Variants in SLC5A4 observed in about 807,000 individuals in gnomAD.
SLC5A4 encodes solute carrier family 5 member 4, also known as probable glucose sensor protein SLC5A4.
A neutral mutation model predicts 70.3 loss-of-function variants in SLC5A4; 55 were observed. That is an observed-to-expected ratio of 0.78 (90% CI 0.63 to 0.98). The LOEUF (loss-of-function observed/expected upper bound fraction) is 0.98, where lower values mean the gene tolerates loss of function less well. SLC5A4 is among the 50% of genes least tolerant of loss of function. The pLI is 0.00. For synonymous variants in SLC5A4, 268 were observed against 305.7 expected (o/e 0.88, Z 1.29); for missense variants, 735 against 839.2 (o/e 0.88, Z 1.53).
chr22:32,236,062 C>G (rs1169541401), intron 7 of SLC5A4, among the ~76,000 whole-genome samples: 1 of 152,140 alleles, frequency 6.6e-6, no homozygotes, highest in Non-Finnish European at 1.5e-5. Context: ...GACCCTAATG[C>G]CAGAGAGTGC....
At chr22:32,323,032 C>CACT in the SLC5A4 span, among the ~76,000 whole-genome samples, 4 of 152,198 alleles carry the variant, frequency 2.6e-5, no homozygotes, top group Non-Finnish European at 5.9e-5. Flanking sequence ...CTCCACCAGG[C>CACT]ACTCCCTGCA....
chr22:32,272,249 G>A, the SLC5A4 span: 1 of 788,792 alleles, frequency 1.3e-6, no homozygotes, highest in Admixed American at 1.8e-5. Context: ...TGGTGCCCGA[G>A]CCCAGCCAGC....
At chr22:32,306,155 G>A in the SLC5A4 span, among the ~76,000 whole-genome samples, 3 of 152,090 alleles carry the variant, frequency 2.0e-5, no homozygotes, top group South Asian at 4.1e-4. Flanking sequence ...TAAAACCTAG[G>A]GACATTGTTA....
the SLC5A4 span, among the ~76,000 whole-genome samples, chr22:32,323,979 G>A: frequency 2.0e-5 from 3 of 147,726 alleles, no homozygotes; most frequent in African/African-American, 5.4e-5. Context: ...GGCTGCCCCT[G>A]TGTGGCAGTC....
At chr22:32,279,149 A>G in the SLC5A4 span, among the ~76,000 whole-genome samples, 146 of 152,198 alleles carry the variant, frequency 9.6e-4, no homozygotes, top group Non-Finnish European at 1.6e-3. Context: ...GGTGGCGGGC[A>G]CCTGTAGTCC....
chr22:32,228,930 TA>T (rs1048323342), intron 11 of SLC5A4, among the ~76,000 whole-genome samples: 6 of 151,986 alleles, frequency 3.9e-5, no homozygotes, highest in Non-Finnish European at 8.8e-5. Context: ...AAGATGTGGA[TA>T]GGGGGGTGAT....
chr22:32,292,139 A>ATTATATG, the SLC5A4 span, among the ~76,000 whole-genome samples: 2 of 60,756 alleles, frequency 3.3e-5, no homozygotes, highest in African/African-American at 8.9e-5. Context: ...GATATTATAT[A>ATTATATG]TTATATTCTA....
chr22:32,222,899 T>C (rs2123865745), intron 13 of SLC5A4, among the ~76,000 whole-genome samples: 1 of 152,308 alleles, frequency 6.6e-6, no homozygotes, highest in East Asian at 1.9e-4. Context: ...AAATAATTAG[T>C]TAATATTTGC....
At chr22:32,252,676 T>C (rs1927241858) in intron 2 of SLC5A4, among the ~76,000 whole-genome samples, 1 of 152,232 alleles carries the variant, frequency 6.6e-6, no homozygotes, top group African/African-American at 2.4e-5. Context: ...TGCTCTGAGT[T>C]GAGCCTGTCC....
the SLC5A4 span, among the ~76,000 whole-genome samples, chr22:32,293,994 G>C: frequency 6.6e-6 from 1 of 151,932 alleles, no homozygotes; most frequent in Non-Finnish European, 1.5e-5. Context: ...GTGCTTCCTT[G>C]AAGTTAATCT....
At chr22:32,280,307 G>A in the SLC5A4 span, among the ~76,000 whole-genome samples, 8 of 152,134 alleles carry the variant, frequency 5.3e-5, no homozygotes, top group African/African-American at 1.4e-4. Flanking sequence ...GTGAGCCACC[G>A]TGCCCAGCCC....
the SLC5A4 span, among the ~76,000 whole-genome samples, chr22:32,350,955 A>G: frequency 6.6e-6 from 1 of 152,094 alleles, no homozygotes; most frequent in Non-Finnish European, 1.5e-5. Flanking sequence ...GGAATAAAAG[A>G]GGGCTCAACA....
chr22:32,325,375 G>A, the SLC5A4 span, among the ~76,000 whole-genome samples: 1 of 151,512 alleles, frequency 6.6e-6, no homozygotes, highest in Admixed American at 6.6e-5. Context: ...GTGGAGATTG[G>A]GGAAAAAGTG....
chr22:32,267,922 A>G, the SLC5A4 span, among the ~76,000 whole-genome samples: 6 of 152,112 alleles, frequency 3.9e-5, no homozygotes, highest in African/African-American at 2.4e-5. Context: ...CAGGAGATTG[A>G]GACCATCCTG....
At chr22:32,255,928 G>A (rs1252377541), upstream of SLC5A4, among the ~76,000 whole-genome samples, 1 of 152,180 alleles carries the variant, frequency 6.6e-6, no homozygotes, top group Non-Finnish European at 1.5e-5. Context: ...AGAGCGCTGG[G>A]TCAGAGGGTT....
chr22:32,306,908 GGC>G, the SLC5A4 span, among the ~76,000 whole-genome samples: 50,538 of 148,060 alleles, frequency 0.34, 8,540 homozygotes, highest in Admixed American at 0.43. Context: ...TCCAAGAAGA[GGC>G]GCTCTCTCTT....
chr22:32,272,678 G>A, the SLC5A4 span: 1 of 550,556 alleles, frequency 1.8e-6, no homozygotes, highest in Non-Finnish European at 3.4e-6. Context: ...TTGGGGGCAT[G>A]TGCCTGCTGC....
the SLC5A4 span, chr22:32,269,996 A>G: frequency 2.0e-6 from 1 of 501,860 alleles, no homozygotes; most frequent in Non-Finnish European, 3.9e-6. This position sits in a 1 kb window ranked among gnomAD's most constrained non-coding sequence, Gnocchi z 4.1. Flanking sequence ...CTCCTCAAGT[A>G]CACCGAGAAG....
chr22:32,293,836 T>C, the SLC5A4 span, among the ~76,000 whole-genome samples: 1 of 152,172 alleles, frequency 6.6e-6, no homozygotes, highest in Non-Finnish European at 1.5e-5. Context: ...TAATCTTTTC[T>C]AAGAAGTCTT....
Sources: allele counts gnomAD v4.1 joint callset (sites outside exome capture counted in the v4.1 genomes callset), GRCh38; gene constraint gnomAD v4.1.1; non-coding constraint Gnocchi (gnomAD v3.1); transcripts MANE v1.5; gene names NCBI Gene and HGNC (gene_info 2026-07-23, HGNC 2026-07-21).